Variants in CPNE4 observed in about 807,000 individuals in gnomAD.
CPNE4 encodes copine-4.
CPNE4 carries 25 observed loss-of-function variants against 67.9 expected under a neutral mutation model. That is an observed-to-expected ratio of 0.37 (90% CI 0.27 to 0.51). The LOEUF (loss-of-function observed/expected upper bound fraction) is 0.51. Ranked by LOEUF, CPNE4 falls within the 20% of genes least tolerant of loss-of-function variation. CPNE4 has a pLI of 0.93. For synonymous variants in CPNE4, 242 were observed against 244.9 expected, an observed-to-expected ratio of 0.99 and a Z score of 0.11; for missense variants, 464 against 690.8, an observed-to-expected ratio of 0.67 and a Z score of 3.68.
intron 7 of CPNE4, among the ~76,000 whole-genome samples, chr3:131,619,196 C>T (rs1940329091): frequency 6.6e-6 from 1 of 152,152 alleles, no homozygotes; most frequent in African/African-American, 2.4e-5. Context: ...CCTAAATCCC[C>T]ATGATGGTGT....
intron 7 of CPNE4, among the ~76,000 whole-genome samples, chr3:131,633,771 T>TTA (rs78711533): frequency 2.6e-5 from 4 of 151,722 alleles, no homozygotes; most frequent in African/African-American, 9.7e-5. Flanking sequence ...TTTTTATTTT[T>TTA]AAAAAAAAGA....
chr3:132,011,550 G>A, intron 1 of CPNE4, among the ~76,000 whole-genome samples: 1 of 152,174 alleles, frequency 6.6e-6, no homozygotes, highest in Non-Finnish European at 1.5e-5. Context: ...GCTGGAGAAG[G>A]GGAAACCCTA....
At chr3:131,683,921 C>CTGCTGTGATGGGGCAGCACTGAGTTCCAG (rs1347338892) in intron 6 of CPNE4, among the ~76,000 whole-genome samples, 5 of 152,090 alleles carry the variant, frequency 3.3e-5, no homozygotes, top group Non-Finnish European at 7.4e-5. Flanking sequence ...GTATTGCTTT[C>CTGCTGTGATGGGGCAGCACTGAGTTCCAG]TGCTGTGATG....
chr3:132,011,867 T>C (rs1466445487), intron 1 of CPNE4, among the ~76,000 whole-genome samples: 1 of 152,226 alleles, frequency 6.6e-6, no homozygotes, highest in Admixed American at 6.5e-5. Flanking sequence ...CTTATTACTC[T>C]TATCTTATCC....
intron 7 of CPNE4, among the ~76,000 whole-genome samples, chr3:131,592,153 A>C (rs1253976486): frequency 6.6e-6 from 1 of 152,232 alleles, no homozygotes; most frequent in Non-Finnish European, 1.5e-5. Flanking sequence ...CCTTGATTTC[A>C]TCACTACCAC....
At chr3:131,881,652 C>T (rs1449106719) in intron 2 of CPNE4, among the ~76,000 whole-genome samples, 3 of 151,714 alleles carry the variant, frequency 2.0e-5, no homozygotes, top group Non-Finnish European at 4.4e-5. Context: ...ACAAGTCTGT[C>T]GTATTATTAT....
chr3:131,547,493 A>G (rs1176883790), intron 14 of CPNE4, among the ~76,000 whole-genome samples: 1 of 112,576 alleles, frequency 8.9e-6, no homozygotes, highest in African/African-American at 3.6e-5. Flanking sequence ...AAAAAAAAAA[A>G]AAAAAAAACC....
At chr3:131,793,868 T>C (rs992942108) in intron 2 of CPNE4, among the ~76,000 whole-genome samples, 1 of 152,206 alleles carries the variant, frequency 6.6e-6, no homozygotes, top group Non-Finnish European at 1.5e-5. Flanking sequence ...CCTTGCATTC[T>C]CCAGTCACTC....
At chr3:131,920,357 A>T (rs1287925871) in intron 1 of CPNE4, among the ~76,000 whole-genome samples, 1 of 151,928 alleles carries the variant, frequency 6.6e-6, no homozygotes, top group Non-Finnish European at 1.5e-5. Context: ...CCTCCCCCTT[A>T]CCTTTGTTAG....
At chr3:131,715,767 G>A (rs900399065) in intron 3 of CPNE4, among the ~76,000 whole-genome samples, 1 of 152,236 alleles carries the variant, frequency 6.6e-6, no homozygotes, top group African/African-American at 2.4e-5. Context: ...GAGTTAATAA[G>A]CAGTGAAAGA....
rs2107701392 is a variant in CPNE4 at position 132,029,740 on chromosome 3, T to C, written c.-2+4827A>G. ...GAAATTTCTCTAGTTTCCTAAGTAA[T>C]AAGAAAAACAAAGTTAGAAATACTG... On this transcript the variant is annotated intron_variant, in intron 1 of 15. Coordinates refer to ENST00000429747, the MANE Select transcript of CPNE4 (RefSeq NM_130808.3). Among the ~76,000 whole-genome samples the C allele has an allele frequency of 2.6e-5, 4 of 152,302 alleles. No individual in the cohort carries two copies. In the Middle Eastern group the frequency reaches 0.01, roughly 389 times the overall value.
chr3:131,974,325 TAC>T (rs747183741), intron 1 of CPNE4, among the ~76,000 whole-genome samples: 3 of 152,220 alleles, frequency 2.0e-5, no homozygotes, highest in East Asian at 1.9e-4. Context: ...CCTGCATCTA[TAC>T]ACACATGTGC....
At chr3:131,874,262 G>A (rs1429568692) in intron 2 of CPNE4, among the ~76,000 whole-genome samples, 1 of 151,954 alleles carries the variant, frequency 6.6e-6, no homozygotes, top group Admixed American at 6.6e-5. Context: ...CTAATTTTTT[G>A]TATTTTCAGT....
chr3:131,948,047 C>T (rs1437579601), intron 1 of CPNE4, among the ~76,000 whole-genome samples: 1 of 92,896 alleles, frequency 1.1e-5, no homozygotes, highest in African/African-American at 2.8e-5. Context: ...TTTAGGTCTT[C>T]TTTAATTTCT....
chr3:131,678,924 T>C (rs978246144), intron 6 of CPNE4, among the ~76,000 whole-genome samples: 5 of 152,200 alleles, frequency 3.3e-5, no homozygotes, highest in Admixed American at 2.0e-4. Flanking sequence ...CAGCTTTTGT[T>C]ATCAGGATGA....
chr3:131,758,685 C>T (rs2082813627), intron 2 of CPNE4, among the ~76,000 whole-genome samples: 1 of 152,008 alleles, frequency 6.6e-6, no homozygotes, highest in Non-Finnish European at 1.5e-5. Context: ...TTGGCTATGT[C>T]CTCACCCAAA....
intron 7 of CPNE4, among the ~76,000 whole-genome samples, chr3:131,617,031 T>G (rs940438886): frequency 3.3e-5 from 5 of 152,214 alleles, no homozygotes; most frequent in African/African-American, 1.2e-4. Context: ...TTGTATGATG[T>G]AGATTTATAG....
At chr3:131,977,705 G>A (rs548528662) in intron 1 of CPNE4, among the ~76,000 whole-genome samples, 8 of 151,756 alleles carry the variant, frequency 5.3e-5, no homozygotes, top group African/African-American at 1.7e-4. Flanking sequence ...TTTTTCATAA[G>A]TTACAGGGGT....
intron 2 of CPNE4, among the ~76,000 whole-genome samples, chr3:131,792,315 C>T (rs897916850): frequency 6.6e-6 from 1 of 151,798 alleles, no homozygotes; most frequent in Non-Finnish European, 1.5e-5. Context: ...TATTTTAATA[C>T]CAGTGTAAGA....
Sources: allele counts gnomAD v4.1 joint callset (sites outside exome capture counted in the v4.1 genomes callset), GRCh38; gene constraint gnomAD v4.1.1; transcripts MANE v1.5; gene names NCBI Gene and HGNC (gene_info 2026-07-23, HGNC 2026-07-21).